The following PKHD1L1 variants were observed in gnomAD, a reference collection of about 807,000 sequenced individuals.
The protein encoded by PKHD1L1 is PKHD1 like 1.
A neutral mutation model predicts 462.9 loss-of-function variants in PKHD1L1; 434 were observed. The ratio of observed to expected loss-of-function variants is 0.94; its 90% CI spans 0.87 to 1.02. The LOEUF (loss-of-function observed/expected upper bound fraction) is 1.02, where lower values mean the gene tolerates loss of function less well. Ranked by LOEUF, PKHD1L1 falls within the 50% of genes least tolerant of loss-of-function variation. PKHD1L1 has a pLI of 0.00. For missense variants in PKHD1L1, 5,202 were observed against 5,096.1 expected (o/e 1.02, Z -0.63); for synonymous variants, 1,781 against 1,750.0 (o/e 1.02, Z -0.44).
intron 44 of PKHD1L1, 109 bp downstream of exon 44, chr8:109,454,355 T>A: frequency 5.2e-6 from 4 of 763,186 alleles, no homozygotes; most frequent in Middle Eastern, 3.7e-4. Context: ...CCTAAGTTTA[T>A]CTTTGTTTAG....
At position 109,451,161 on chromosome 8, in the gene PKHD1L1, A is replaced by G. The variant is rs377066421; in HGVS notation, c.6350+12A>G. 8.1e-5 allele frequency: 129 copies of G among 1,588,906 alleles called. No homozygotes were observed. Among genetic ancestry groups the G allele is most frequent in the Non-Finnish European group, 1.0e-4 (120 of 1,164,282 alleles). ...GGATCAGGATTCAGGTACTGTCTCCACACAAACACGCATCATTGTGCATTT... is the reference window on the plus strand; with the variant it reads ...GGATCAGGATTCAGGTACTGTCTCCGCACAAACACGCATCATTGTGCATTT... On this transcript the variant is annotated intron_variant, in intron 41 of 77. Coordinates refer to ENST00000378402, the MANE Select transcript of PKHD1L1 (RefSeq NM_177531.6).
Position 109,490,032 on chromosome 8 carries a change from G to A in PKHD1L1, c.9961G>A (p.Val3321Ile). 6.2e-7 allele frequency: 1 copy of A among 1,605,560 alleles called. No homozygotes were observed. The highest frequency in any genetic ancestry group is 8.5e-7 in the Non-Finnish European group (1 of 1,173,754). ...FRDSTDPRYA[V>I]TFLNLGQIQE... ...GGATAGCACAGATCCAAGATATGCT[G>A]TAACGTTTCTTAACCTAGGACAGGT... is the stretch of plus-strand genomic sequence containing the variant. Residue 3321 changes from valine to isoleucine, a missense_variant, in exon 60 of 78, where the codon GTA becomes ATA. Physicochemically the swap from Val to Ile is conservative, Grantham distance 29. Coordinates refer to ENST00000378402, the MANE Select transcript of PKHD1L1 (RefSeq NM_177531.6).
At position 109,438,333 on chromosome 8, in the gene PKHD1L1, G is replaced by T; in HGVS notation, c.3637G>T (p.Gly1213Cys). ...TTTCCTCTTATTTTAGAAAACTGAG[G>T]GTACAGTTGATATTTCAGTTACTAC... is the stretch of plus-strand genomic sequence containing the variant. ...ITCRTPKKTE[G>C]TVDISVTTNG... The change falls in exon 31 of 78, where the codon GGT becomes TGT. Residue 1213 changes from glycine (G) to cysteine (C), a missense_variant. By Grantham distance (159) the Gly-to-Cys change is radical (BLOSUM62 -3). Coordinates refer to ENST00000378402, the MANE Select transcript of PKHD1L1 (RefSeq NM_177531.6). 1.3e-6 allele frequency: 2 copies of T among 1,499,262 alleles called. No homozygotes were observed. Among genetic ancestry groups the T allele is most frequent in the Non-Finnish European group, 8.9e-7 (1 of 1,117,326 alleles). 92.9% of individuals were successfully genotyped at this position (1,499,262 alleles called of 1,614,324 possible).
chr8:109,487,166 G>T (rs1818569768), intron 59 of PKHD1L1, among the ~76,000 whole-genome samples: 1 of 151,890 alleles, frequency 6.6e-6, no homozygotes, highest in Non-Finnish European at 1.5e-5. Flanking sequence ...CAAAAACAGA[G>T]AAAACAGTAT....
At chr8:109,436,536 G>T in intron 30 of PKHD1L1, 77 bp downstream of exon 30, 1 of 1,565,400 alleles carries the variant, frequency 6.4e-7, no homozygotes. Context: ...CAGTGGGGCG[G>T]GGGGTGAAAC....
chr8:109,425,987 T>C (rs947191347), intron 24 of PKHD1L1, among the ~76,000 whole-genome samples: 1 of 152,182 alleles, frequency 6.6e-6, no homozygotes, highest in Non-Finnish European at 1.5e-5. Flanking sequence ...TTATCAGTTG[T>C]ACGGGACTAA....
chr8:109,451,244 TCATGCAATGTGTA>T, intron 41 of PKHD1L1, 95 bp downstream of exon 41: 2 of 1,298,424 alleles, frequency 1.5e-6, no homozygotes, highest in Non-Finnish European at 2.1e-6. Flanking sequence ...AGAAATACAG[TCATGCAATGTGTA>T]CCTATATGCT....
intron 13 of PKHD1L1, among the ~76,000 whole-genome samples, 176 bp from the exon 14 acceptor site, chr8:109,401,321 A>T (rs1275237161): frequency 7.9e-5 from 6 of 76,222 alleles, no homozygotes; most frequent in Admixed American, 2.0e-4. Context: ...TTGATAATTT[A>T]AAAAAAATTT....
chr8:109,477,450 T>A (rs1476850407), intron 53 of PKHD1L1, 54 bp downstream of exon 53: 1 of 1,449,306 alleles, frequency 6.9e-7, no homozygotes, highest in Non-Finnish European at 9.5e-7. Context: ...CATAATCCTT[T>A]TCACATGTCA....
intron 21 of PKHD1L1, among the ~76,000 whole-genome samples, chr8:109,417,349 A>C (rs535978122): frequency 1.3e-5 from 2 of 152,280 alleles, no homozygotes; most frequent in African/African-American, 2.4e-5. Context: ...ACAAAAAAAA[A>C]CTAAAAATTT....
chr8:109,418,973 G>A (rs532217788), intron 21 of PKHD1L1, 124 bp from the exon 22 acceptor site: 1 of 753,586 alleles, frequency 1.3e-6, no homozygotes. Context: ...TGCTAATAAA[G>A]CTCCCCTGAT....
At chr8:109,492,949 T>A (rs2607629) in intron 62 of PKHD1L1, among the ~76,000 whole-genome samples, 59,271 of 151,460 alleles carry the variant, frequency 0.39, 11,808 homozygotes, top group South Asian at 0.57. Flanking sequence ...GATTATAGCA[T>A]ACATTATATA....
Position 109,362,546 on chromosome 8 carries a change from G to A in PKHD1L1, c.-35G>A, listed in dbSNP as rs373197226. The A allele has an allele frequency of 8.7e-5, 136 of 1,568,686 alleles. No homozygotes were observed. Among genetic ancestry groups the A allele is most frequent in the Non-Finnish European group, 1.1e-4 (132 of 1,153,874 alleles). Reference sequence around the variant, plus strand: ...GCTCCAGCACTAGAGCCAGCTGCGAGCGGAGGGCACCAACTCCGCAGAACT... The same window carrying A: ...GCTCCAGCACTAGAGCCAGCTGCGAACGGAGGGCACCAACTCCGCAGAACT... On this transcript the variant is annotated 5_prime_UTR_variant, in exon 1 of 78. Coordinates refer to ENST00000378402, the MANE Select transcript of PKHD1L1 (RefSeq NM_177531.6).
chr8:109,507,060 A>G (rs1394107335), intron 68 of PKHD1L1, among the ~76,000 whole-genome samples: 1 of 152,196 alleles, frequency 6.6e-6, no homozygotes, highest in Admixed American at 6.5e-5. Context: ...ATGTAGCATA[A>G]TAAACACAAT....
chr8:109,450,720 T>A (rs2130782441), intron 40 of PKHD1L1, among the ~76,000 whole-genome samples: 1 of 152,276 alleles, frequency 6.6e-6, no homozygotes, highest in African/African-American at 2.4e-5. Flanking sequence ...AGCAGGCAGG[T>A]TTGTAGAATG....
chr8:109,450,890 GATGTTATTGAAA>G, intron 40 of PKHD1L1, 73 bp from the exon 41 acceptor site: 1 of 1,279,050 alleles, frequency 7.8e-7, no homozygotes, highest in Non-Finnish European at 1.1e-6. Context: ...TGAAAAGGAA[GATGTTATTGAAA>G]ATGTTTGGAG....
intron 70 of PKHD1L1, 38 bp downstream of exon 70, chr8:109,508,302 A>G (rs377644953): frequency 2.0e-6 from 3 of 1,536,216 alleles, no homozygotes; most frequent in Middle Eastern, 1.7e-4. Flanking sequence ...ATTACTCAAA[A>G]CATTGCTTGT....
chr8:109,511,277 C>A (rs1819963490), intron 71 of PKHD1L1, among the ~76,000 whole-genome samples: 1 of 151,972 alleles, frequency 6.6e-6, no homozygotes, highest in Admixed American at 6.6e-5. Flanking sequence ...ATGTGCCATG[C>A]CGGTGCGCTG....
chr8:109,364,645 G>GTTTTT lies in PKHD1L1; in HGVS notation c.163+9_163+10insTTTTT. On this transcript the variant is annotated intron_variant, in intron 2 of 77. Coordinates refer to ENST00000378402, the MANE Select transcript of PKHD1L1 (RefSeq NM_177531.6). Reference sequence around the variant, plus strand: ...GACTATAAGAGGGGAAGGTATCGTTGCTTTTTTTTTTTTTTTTTTGCCAAG... The same window carrying GTTTTT: ...GACTATAAGAGGGGAAGGTATCGTTGTTTTTCTTTTTTTTTTTTTTTTTTGCCAAG... 3 of 1,201,076 alleles carry GTTTTT rather than the reference G, an allele frequency of 2.5e-6. No individual in the cohort carries two copies. Among genetic ancestry groups the GTTTTT allele is most frequent in the African/African-American group, 2.0e-5 (1 of 49,898 alleles). The allele number at this position is 1,201,076 out of a possible 1,614,324, so 74.4% of individuals were successfully genotyped here. A position where few individuals can be genotyped will look rare whatever the true frequency, so the allele number is the denominator to read the frequency against.
Sources: allele counts gnomAD v4.1 joint callset (sites outside exome capture counted in the v4.1 genomes callset), GRCh38; gene constraint gnomAD v4.1.1; transcripts MANE v1.5; gene names NCBI Gene and HGNC (gene_info 2026-07-23, HGNC 2026-07-21).